USH2A: variants seen among roughly 807,000 people sequenced by gnomAD.
The protein encoded by USH2A is usherin.
A neutral mutation model predicts 538.9 loss-of-function variants in USH2A; 443 were observed. The ratio of observed to expected loss-of-function variants is 0.82; its 90% CI spans 0.76 to 0.89. The LOEUF (loss-of-function observed/expected upper bound fraction) is 0.89, where lower values mean the gene tolerates loss of function less well. USH2A is among the 40% of genes least tolerant of loss of function. USH2A has a pLI of 0.00. For missense variants in USH2A, 6,633 were observed against 6,324.8 expected, an observed-to-expected ratio of 1.05 and a Z score of -1.65; for synonymous variants, 2,413 against 2,273.5, an observed-to-expected ratio of 1.06 and a Z score of -1.75.
At chr1:216,155,994 A>G (rs1161299159) in intron 21 of USH2A, among the ~76,000 whole-genome samples, 3 of 152,146 alleles carry the variant, frequency 2.0e-5, no homozygotes, top group Admixed American at 1.3e-4. Flanking sequence ...CTTCTTAAAA[A>G]CATTCTTGGT....
At chr1:216,006,517 C>T (rs1335400598) in intron 32 of USH2A, among the ~76,000 whole-genome samples, 1 of 152,164 alleles carries the variant, frequency 6.6e-6, no homozygotes, top group Non-Finnish European at 1.5e-5. Context: ...TCTTATGTCT[C>T]TAATACTTCT....
intron 16 of USH2A, chr1:216,201,762 A>G: frequency 8.7e-6 from 2 of 229,968 alleles, no homozygotes; most frequent in South Asian, 1.7e-4. Flanking sequence ...AGAGCCGAGG[A>G]AGGTGAGACA....
intron 37 of USH2A, among the ~76,000 whole-genome samples, chr1:215,948,481 C>T (rs1558176946): frequency 6.7e-6 from 1 of 150,228 alleles, no homozygotes; most frequent in South Asian, 2.1e-4. Context: ...TATGGACATA[C>T]ATCTATACAT....
intron 30 of USH2A, among the ~76,000 whole-genome samples, chr1:216,049,376 T>C (rs2030658770): frequency 6.6e-6 from 1 of 152,186 alleles, no homozygotes; most frequent in Admixed American, 6.5e-5. Flanking sequence ...AAAGTATGTG[T>C]AGAAATGAAA....
At chr1:216,400,027 T>C (rs1324361104) in intron 3 of USH2A, among the ~76,000 whole-genome samples, 2 of 152,060 alleles carry the variant, frequency 1.3e-5, no homozygotes, top group African/African-American at 2.4e-5. Flanking sequence ...CTTGTCATAC[T>C]AAGAACCATC....
Position 215,726,686 on chromosome 1 carries a change from A to G in USH2A, c.12066+1344T>C, listed in dbSNP as rs527995097. On this transcript the variant is annotated intron_variant, in intron 61 of 71. Transcript: ENST00000307340. Reference sequence around the variant, plus strand: ...TATTTGTTCTTATTGAGGGTTTTCCATATTTAATAAGGTCTTGGCACATAT... The same window carrying G: ...TATTTGTTCTTATTGAGGGTTTTCCGTATTTAATAAGGTCTTGGCACATAT... Among the ~76,000 whole-genome samples, 3 of 152,278 alleles carry G rather than the reference A, an allele frequency of 2.0e-5. No homozygotes were observed. The East Asian group carries it at 5.8e-4, about 29-fold the overall frequency.
At chr1:215,712,437 T>A (rs1659363730) in intron 61 of USH2A, among the ~76,000 whole-genome samples, 1 of 152,228 alleles carries the variant, frequency 6.6e-6, no homozygotes, top group Non-Finnish European at 1.5e-5. Flanking sequence ...CTGTCGTTTT[T>A]GAAGGCTGGT....
chr1:215,961,632 T>A (rs1013271492), intron 37 of USH2A, among the ~76,000 whole-genome samples: 2 of 151,818 alleles, frequency 1.3e-5, no homozygotes, highest in East Asian at 3.9e-4. Flanking sequence ...ATAAAATATA[T>A]TCTACAGTTT....
intron 21 of USH2A, among the ~76,000 whole-genome samples, chr1:216,160,509 C>T (rs1222348293): frequency 1.3e-5 from 2 of 152,044 alleles, no homozygotes; most frequent in African/African-American, 2.4e-5. Context: ...TGGCTCATCA[C>T]ATCTGTAATC....
chr1:216,214,969 C>T (rs189736481), intron 15 of USH2A, among the ~76,000 whole-genome samples: 1 of 152,010 alleles, frequency 6.6e-6, no homozygotes, highest in East Asian at 1.9e-4. Flanking sequence ...TATGTTAATT[C>T]TTGTTTTGCT....
At chr1:215,727,991 G>A (rs1230281894) in intron 61 of USH2A, 39 bp downstream of exon 61, 2 of 1,595,842 alleles carry the variant, frequency 1.3e-6, no homozygotes, top group African/African-American at 1.3e-5. Flanking sequence ...GTATTCACCA[G>A]ATAATCTGCA....
rs1213153161 is a variant in USH2A, at chr1:216,072,941, A to C, written c.5805T>G (p.His1935Gln). ...AATCACTATATACTGAACCTCCTTC[A>C]TGCGAGGCTATCACTCGATACAGGT... ...TEYLYRVIAS[H>Q]EGGSVYSDWS... Residue 1935 changes from histidine (H) to glutamine (Q), a missense_variant, in exon 29 of 72, where the codon CAT becomes CAG. Coordinates refer to ENST00000307340, the MANE Select transcript of USH2A (RefSeq NM_206933.4). 1 of 1,614,010 alleles carries C rather than the reference A, an allele frequency of 6.2e-7. No individual in the cohort carries two copies. The highest frequency in any genetic ancestry group is 1.1e-5 in the South Asian group (1 of 91,082).
At chr1:216,366,380 A>AG (rs2038596035) in intron 3 of USH2A, among the ~76,000 whole-genome samples, 1 of 152,002 alleles carries the variant, frequency 6.6e-6, no homozygotes, top group African/African-American at 2.4e-5. Context: ...GCTTTAATAG[A>AG]GGGGGAGGCT....
chr1:216,106,221 T>C (rs1157561670), intron 21 of USH2A, among the ~76,000 whole-genome samples: 3 of 147,424 alleles, frequency 2.0e-5, no homozygotes, highest in South Asian at 2.1e-4. Flanking sequence ...ATATAATAAA[T>C]ATATATTAAA....
chr1:215,825,470 A>G (rs1269540189), intron 47 of USH2A, among the ~76,000 whole-genome samples: 2 of 152,198 alleles, frequency 1.3e-5, no homozygotes, highest in African/African-American at 4.8e-5. Flanking sequence ...TACAAGTCAG[A>G]TCAAATTTTT....
rs183383034 is a variant in USH2A at position 216,204,355 on chromosome 1, C to T, written c.3316+2918G>A. The T allele has an allele frequency of 8.5e-5, 13 of 152,192 alleles. No individual in the cohort carries two copies. In the East Asian group the frequency reaches 9.7e-4, roughly 11 times the overall value. The allele number at this position is 152,192 out of a possible 1,614,324, so 9.4% of individuals were successfully genotyped here. On this transcript the variant is annotated intron_variant, in intron 16 of 71. Transcript: ENST00000307340. ...AGCTTGACCTCTACCTTAAATAAAA[C>T]GTAAAGATATACCTTGTTTTTTAAA... is the stretch of plus-strand genomic sequence containing the variant.
chr1:216,245,237 C>T (rs1453808597), intron 13 of USH2A, among the ~76,000 whole-genome samples: 1 of 151,992 alleles, frequency 6.6e-6, no homozygotes, highest in Non-Finnish European at 1.5e-5. Context: ...TGAAATGGTC[C>T]CTAAAAGCTA....
chr1:216,195,770 C>G (rs1392102912), intron 19 of USH2A: 1 of 167,058 alleles, frequency 6.0e-6, no homozygotes, highest in Non-Finnish European at 1.5e-5. Flanking sequence ...AGAGGAGGCA[C>G]TGAACAGCCA....
rs373694298 is a variant in USH2A at position 215,836,518 on chromosome 1, A to T, written c.9371+1473T>A. 4.2e-4 allele frequency among the ~76,000 whole-genome samples: 11 copies of T among 26,322 alleles called. 1 individual carries two copies. The highest frequency in any genetic ancestry group is 5.6e-4 in the Non-Finnish European group (8 of 14,218). 17.3% of individuals were successfully genotyped at this position (26,322 alleles called of 152,430 possible). ...TATATAATATATATTATATATATAT[A>T]ATATATATTATATATATATATATAA... is the stretch of plus-strand genomic sequence containing the variant. On this transcript the variant is annotated intron_variant, in intron 47 of 71. Transcript: ENST00000307340.
Sources: gnomAD v4.1 joint callset for allele counts (sites outside exome capture counted in the v4.1 genomes callset) on GRCh38, gnomAD v4.1.1 for gene constraint, MANE v1.5 for transcripts, NCBI Gene and HGNC (gene_info 2026-07-23, HGNC 2026-07-21) for gene names.